SLC16A10: variants seen among roughly 807,000 people sequenced by gnomAD.
SLC16A10 encodes the protein monocarboxylate transporter 10.
Under a neutral mutation model 40.0 loss-of-function variants are expected in SLC16A10, and 27 were observed. That is an observed-to-expected ratio of 0.67 (90% CI 0.50 to 0.93). The LOEUF (loss-of-function observed/expected upper bound fraction) is 0.93. SLC16A10 is among the 40% of genes least tolerant of loss of function. SLC16A10 has a pLI of 0.00. For synonymous variants in SLC16A10, 213 were observed against 249.8 expected, an observed-to-expected ratio of 0.85 and a Z score of 1.39; for missense variants, 529 against 658.2, an observed-to-expected ratio of 0.80 and a Z score of 2.15.
intron 3 of SLC16A10, among the ~76,000 whole-genome samples, chr6:111,205,249 T>C (rs1773235652): frequency 6.6e-6 from 1 of 152,142 alleles, no homozygotes; most frequent in African/African-American, 2.4e-5. Context: ...AAATGAGAAG[T>C]GTTTTAAAGA....
chr6:111,141,483 A>T (rs1191568337), intron 1 of SLC16A10, among the ~76,000 whole-genome samples: 1 of 152,078 alleles, frequency 6.6e-6, no homozygotes, highest in African/African-American at 2.4e-5. Context: ...ACCAACATGG[A>T]AAAACCCCAT....
Position 111,222,021 on chromosome 6 carries a change from T to G in SLC16A10, c.1334T>G (p.Leu445Arg). The G allele has an allele frequency of 6.2e-7, 1 of 1,605,486 alleles. No homozygotes were observed. The highest frequency in any genetic ancestry group is 1.3e-5 in the African/African-American group (1 of 74,322). Residue 445 changes from leucine (L) to arginine (R), a missense_variant, in exon 6 of 6, where the codon CTG becomes CGG. Coordinates refer to ENST00000368851, the MANE Select transcript of SLC16A10 (RefSeq NM_018593.5). The part of the protein sequence containing the change: ...PPIAGLLRDK[L>R]GSYDVAFYLA... ...TTCTCAGGGTTACTTCGTGACAAACTGGGCTCCTATGATGTGGCATTCTAC... is the reference window on the plus strand; with the variant it reads ...TTCTCAGGGTTACTTCGTGACAAACGGGGCTCCTATGATGTGGCATTCTAC...
rs183114172 is a variant in SLC16A10 at position 111,173,990 on chromosome 6, C to G, written c.488+1151C>G. 1.7e-3 allele frequency among the ~76,000 whole-genome samples: 260 copies of G among 152,260 alleles called. 1 individual carries two copies. Among genetic ancestry groups the G allele is most frequent in the Middle Eastern group, 6.8e-3 (2 of 294 alleles). ...GTATTAGAAGAAAAGACACAGTGCA[C>G]TGAAGAGGGACTCACTGTAAGGAAC... On this transcript the variant is annotated intron_variant, in intron 2 of 5. Coordinates refer to ENST00000368851, the MANE Select transcript of SLC16A10 (RefSeq NM_018593.5).
At chr6:111,157,700 C>G (rs565879157) in intron 1 of SLC16A10, among the ~76,000 whole-genome samples, 1 of 152,176 alleles carries the variant, frequency 6.6e-6, no homozygotes, top group Non-Finnish European at 1.5e-5. Flanking sequence ...TAAGGCAGAT[C>G]TATGCCACAG....
chr6:111,161,249 A>AAG (rs1772366387), intron 1 of SLC16A10, among the ~76,000 whole-genome samples: 1 of 141,122 alleles, frequency 7.1e-6, no homozygotes, highest in Non-Finnish European at 1.6e-5. Context: ...AAAAAAAAGA[A>AAG]AGGGTAGGTA....
chr6:111,111,656 T>G (rs1270367461), intron 1 of SLC16A10, among the ~76,000 whole-genome samples: 2 of 152,218 alleles, frequency 1.3e-5, no homozygotes, highest in African/African-American at 4.8e-5. Context: ...GTCTGCCCAT[T>G]TCCCTCTCCT....
chr6:111,216,277 G>A (rs921636881), intron 4 of SLC16A10, among the ~76,000 whole-genome samples: 2 of 152,212 alleles, frequency 1.3e-5, no homozygotes, highest in Non-Finnish European at 2.9e-5. Context: ...TGCTGTCATG[G>A]AAGTTGCATT....
chr6:111,142,217 A>T (rs1771995566), intron 1 of SLC16A10, among the ~76,000 whole-genome samples: 1 of 152,210 alleles, frequency 6.6e-6, no homozygotes, highest in Non-Finnish European at 1.5e-5. Flanking sequence ...ATAGACCCAG[A>T]CAAATACAGT....
chr6:111,136,832 GC>G (rs1237248279), intron 1 of SLC16A10, among the ~76,000 whole-genome samples: 2 of 152,154 alleles, frequency 1.3e-5, no homozygotes, highest in East Asian at 3.9e-4. Flanking sequence ...AGAACTAATA[GC>G]CCTCACTCAG....
chr6:111,213,569 T>C (rs182525733), intron 4 of SLC16A10, among the ~76,000 whole-genome samples: 1 of 152,342 alleles, frequency 6.6e-6, no homozygotes, highest in Admixed American at 6.5e-5. Context: ...ATGTAAGCTA[T>C]TTCCAAAGTA....
At chr6:111,097,682 T>C (rs1239446216) in intron 1 of SLC16A10, among the ~76,000 whole-genome samples, 1 of 152,196 alleles carries the variant, frequency 6.6e-6, no homozygotes, top group Non-Finnish European at 1.5e-5. Flanking sequence ...TACAGAATTA[T>C]AATATTGAAT....
At chr6:111,195,249 G>A (rs1311851215) in intron 3 of SLC16A10, among the ~76,000 whole-genome samples, 1 of 152,178 alleles carries the variant, frequency 6.6e-6, no homozygotes, top group African/African-American at 2.4e-5. Flanking sequence ...GAACCATGAG[G>A]ACATTACACC....
At chr6:111,128,343 C>A (rs544951991) in intron 1 of SLC16A10, among the ~76,000 whole-genome samples, 1 of 152,062 alleles carries the variant, frequency 6.6e-6, no homozygotes, top group Middle Eastern at 3.2e-3. Context: ...TTTGAGGTCC[C>A]GTAGCAGGTC....
intron 1 of SLC16A10, among the ~76,000 whole-genome samples, chr6:111,165,157 A>T (rs1772449049): frequency 1.3e-5 from 2 of 152,258 alleles, no homozygotes; most frequent in African/African-American, 4.8e-5. Context: ...CTAGGAAAGC[A>T]TGCAGTTTCT....
At chr6:111,167,249 T>G (rs1408087479) in intron 1 of SLC16A10, among the ~76,000 whole-genome samples, 1 of 152,194 alleles carries the variant, frequency 6.6e-6, no homozygotes, top group African/African-American at 2.4e-5. Flanking sequence ...CAAAACTAGC[T>G]TAGGGGAAGA....
At chr6:111,220,843 C>G (rs1770875740) in intron 5 of SLC16A10, among the ~76,000 whole-genome samples, 1 of 152,188 alleles carries the variant, frequency 6.6e-6, no homozygotes, top group Admixed American at 6.5e-5. Flanking sequence ...AGAACACCAC[C>G]ACACAGCAAC....
At position 111,164,033 on chromosome 6, in the gene SLC16A10, T is replaced by C. The variant is rs112693363; in HGVS notation, c.344-8662T>C. Among the ~76,000 whole-genome samples, 389 of 152,370 alleles carry C rather than the reference T, an allele frequency of 2.6e-3. 2 individuals are homozygous for C. Among genetic ancestry groups the C allele is most frequent in the African/African-American group, 8.9e-3 (369 of 41,594 alleles). On this transcript the variant is annotated intron_variant, in intron 1 of 5. Coordinates refer to ENST00000368851, the MANE Select transcript of SLC16A10 (RefSeq NM_018593.5). ...GTGCCTTAAGAAAACCTTGTTCTTT[T>C]ATTCTAATGTTCAATTTACAGAAAA...
chr6:111,092,088 G>A (rs1770985854), intron 1 of SLC16A10, among the ~76,000 whole-genome samples: 2 of 152,106 alleles, frequency 1.3e-5, no homozygotes, highest in South Asian at 2.1e-4. Flanking sequence ...GAAGGCATTT[G>A]ACGCCTCTTT....
At chr6:111,153,504 A>C (rs962951152) in intron 1 of SLC16A10, among the ~76,000 whole-genome samples, 58 of 151,946 alleles carry the variant, frequency 3.8e-4, no homozygotes, top group African/African-American at 1.4e-3. Flanking sequence ...CACTACACAC[A>C]GCCTGGGCAA....
Sources: allele counts gnomAD v4.1 joint callset (sites outside exome capture counted in the v4.1 genomes callset), GRCh38; gene constraint gnomAD v4.1.1; transcripts MANE v1.5; gene names NCBI Gene and HGNC (gene_info 2026-07-23, HGNC 2026-07-21).